GIGYF2: variants seen among roughly 807,000 people sequenced by gnomAD.
GIGYF2 encodes the protein GRB10-interacting GYF protein 2.
A neutral mutation model predicts 208.1 loss-of-function variants in GIGYF2; 25 were observed. The ratio of observed to expected loss-of-function variants is 0.12; its 90% CI spans 0.09 to 0.17. The LOEUF is 0.17. GIGYF2 is among the 10% of genes least tolerant of loss of function. The probability of loss-of-function intolerance (pLI) is 1.00; values close to 1 mark genes in which losing one functional copy is unlikely to be tolerated. For synonymous variants in GIGYF2, 534 were observed against 543.8 expected (o/e 0.98, Z 0.25); for missense variants, 1,302 against 1,579.4 (o/e 0.82, Z 2.98).
At chr2:232,706,395 G>A (rs150661204) in intron 2 of GIGYF2, among the ~76,000 whole-genome samples, 82 of 152,348 alleles carry the variant, frequency 5.4e-4, no homozygotes, top group Non-Finnish European at 9.6e-4. Flanking sequence ...CGTAATCCCA[G>A]CATGTTGGGA....
At chr2:232,853,440 T>G (rs1378716013) in intron 28 of GIGYF2, among the ~76,000 whole-genome samples, 3 of 152,182 alleles carry the variant, frequency 2.0e-5, no homozygotes, top group African/African-American at 7.2e-5. Context: ...CCACGCCAGC[T>G]ACTTTTTGTA....
At chr2:232,775,258 G>A (rs1699462098) in intron 8 of GIGYF2, among the ~76,000 whole-genome samples, 1 of 152,102 alleles carries the variant, frequency 6.6e-6, no homozygotes, top group African/African-American at 2.4e-5. Context: ...TCAGGCTCTA[G>A]CACTGTTGGT....
At chr2:232,721,792 T>C (rs12694915) in intron 2 of GIGYF2, among the ~76,000 whole-genome samples, 28,755 of 152,168 alleles carry the variant, frequency 0.19, 2,984 homozygotes, top group Non-Finnish European at 0.22. Context: ...TCATTGTTTT[T>C]TCTATTTTTG....
At position 232,806,125 on chromosome 2, in the gene GIGYF2, G is replaced by A. The variant is rs1245715484; in HGVS notation, c.1640-366G>A. On this transcript the variant is annotated intron_variant, in intron 14 of 28. Coordinates refer to ENST00000373563, the MANE Select transcript of GIGYF2 (RefSeq NM_001103146.3). This position sits in a 1 kb window ranked among gnomAD's most constrained non-coding sequence, Gnocchi z 4.0. ...TGGCAGAAAATGAAAATTGGAGAAC[G>A]TTTTCAGCCCTGCATGTTTATATTC... Among the ~76,000 whole-genome samples, 1 of 152,146 alleles carries A rather than the reference G, an allele frequency of 6.6e-6. No individual in the cohort carries two copies. Among genetic ancestry groups the A allele is most frequent in the Non-Finnish European group, 1.5e-5 (1 of 68,016 alleles).
At position 232,740,795 on chromosome 2, in the gene GIGYF2, AAGG is replaced by A. The variant is rs931220292; in HGVS notation, c.41+5560_41+5562del. Among the ~76,000 whole-genome samples the A allele has an allele frequency of 6.6e-4, 101 of 152,352 alleles. 1 individual carries two copies. Among genetic ancestry groups the A allele is most frequent in the African/African-American group, 2.2e-3 (93 of 41,582 alleles). On this transcript the variant is annotated intron_variant, in intron 3 of 28. Transcript: ENST00000373563. ...TCGATAATTATGGGATTATGTGAAA[AAGG>A]AGAGAAGTTCTGGAGGATGAGATGT...
intron 13 of GIGYF2, 148 bp from the exon 14 acceptor site, chr2:232,795,914 T>G: frequency 1.5e-6 from 1 of 671,140 alleles, no homozygotes; most frequent in East Asian, 2.7e-5. Flanking sequence ...TTTCATGGCA[T>G]TGTTGGGAGA....
At chr2:232,777,371 T>TTA (rs1699556928) in intron 8 of GIGYF2, among the ~76,000 whole-genome samples, 1 of 152,200 alleles carries the variant, frequency 6.6e-6, no homozygotes, top group South Asian at 2.1e-4. Flanking sequence ...TCCAGCTTGT[T>TTA]GGAACCCTGA....
At chr2:232,722,523 A>G (rs1034610803) in intron 2 of GIGYF2, 1 of 152,168 alleles carries the variant, frequency 6.6e-6, no homozygotes, top group African/African-American at 2.4e-5. Flanking sequence ...AACCCTAACC[A>G]TATCACTTCT....
At position 232,850,115 on chromosome 2, in the gene GIGYF2, T is replaced by G. The variant is rs1690258666; in HGVS notation, c.3685-147T>G. ...TGGTGGCTCAGTGGCCGCTCTTGAT[T>G]TTATTATTAGAACATGTGATGAAAA... On this transcript the variant is annotated intron_variant, in intron 27 of 28. Transcript: ENST00000373563. 5 of 758,524 alleles carry G rather than the reference T, an allele frequency of 6.6e-6. No homozygotes were observed. The East Asian group carries it at 1.3e-4, about 20-fold the overall frequency. The allele number at this position is 758,524 out of a possible 1,614,324, so 47.0% of individuals were successfully genotyped here.
rs538663867 is a variant in GIGYF2, at chr2:232,844,244, C to T, written c.3088C>T (p.Arg1030Cys). 2.5e-6 allele frequency: 4 copies of T among 1,575,412 alleles called. No individual in the cohort carries two copies. Among genetic ancestry groups the T allele is most frequent in the South Asian group, 1.1e-5 (1 of 87,582 alleles). Residue 1030 changes from arginine (R) to cysteine (C), a missense_variant, in exon 24 of 29, where the codon CGT becomes TGT. Arg to Cys is a radical substitution (Grantham distance 180). This residue lies in a region of GIGYF2 where 701 missense variants were observed against 793.0 expected (regional missense o/e 0.88). Coordinates refer to ENST00000373563, the MANE Select transcript of GIGYF2 (RefSeq NM_001103146.3). ...QQQHQQPNRA[R>C]NNTHSNLHTS... ...GCAACACCAGCAACCAAACAGAGCTCGTAACAATACGGTGTGTGCATTTTC... is the reference window on the plus strand; with the variant it reads ...GCAACACCAGCAACCAAACAGAGCTTGTAACAATACGGTGTGTGCATTTTC...
intron 2 of GIGYF2, among the ~76,000 whole-genome samples, chr2:232,706,558 A>C (rs1480476471): frequency 6.6e-6 from 1 of 152,152 alleles, no homozygotes; most frequent in Admixed American, 6.5e-5. Context: ...CAGGCGGATC[A>C]CTTGAAGTCA....
At chr2:232,722,365 G>A (rs964919171) in intron 2 of GIGYF2, among the ~76,000 whole-genome samples, 1 of 152,114 alleles carries the variant, frequency 6.6e-6, no homozygotes, top group Non-Finnish European at 1.5e-5. Flanking sequence ...AACCGAAGCG[G>A]GAAGAGCCCC....
chr2:232,712,173 A>G (rs1321428760), intron 2 of GIGYF2, among the ~76,000 whole-genome samples: 2 of 151,450 alleles, frequency 1.3e-5, no homozygotes, highest in Admixed American at 6.6e-5. Flanking sequence ...ATTCATTTTG[A>G]AAAAAAAAGT....
chr2:232,839,442 T>A (rs555475239), intron 22 of GIGYF2, among the ~76,000 whole-genome samples: 2 of 152,348 alleles, frequency 1.3e-5, no homozygotes, highest in East Asian at 3.9e-4. Context: ...CTTAACACTT[T>A]CACTGGACAG....
chr2:232,709,293 AT>A (rs1216593306), intron 2 of GIGYF2, among the ~76,000 whole-genome samples: 1 of 152,086 alleles, frequency 6.6e-6, no homozygotes, highest in Admixed American at 6.6e-5. Context: ...GGCTTTTATG[AT>A]TGCTATTACT....
At chr2:232,786,893 T>C (rs1699928998) in intron 8 of GIGYF2, among the ~76,000 whole-genome samples, 1 of 152,176 alleles carries the variant, frequency 6.6e-6, no homozygotes, top group African/African-American at 2.4e-5. Flanking sequence ...TGTAGGAAGA[T>C]GGACTTTTCA....
At chr2:232,836,309 TATATATATATATATATATATACATATA>T in intron 22 of GIGYF2, among the ~76,000 whole-genome samples, 1 of 20,318 alleles carries the variant, frequency 4.9e-5, no homozygotes, top group African/African-American at 1.7e-4. Flanking sequence ...TATATATATA[TATATATATATATATATATATACATATA>T]TATACTTATA....
At chr2:232,768,044 C>T (rs1485540852) in intron 8 of GIGYF2, 2 of 738,494 alleles carry the variant, frequency 2.7e-6, no homozygotes, top group Non-Finnish European at 4.5e-6. Flanking sequence ...ATTGTTAGCT[C>T]AGCCATTCTT....
intron 2 of GIGYF2, chr2:232,705,948 A>G (rs1559371300): frequency 1.3e-5 from 2 of 151,224 alleles, no homozygotes; most frequent in African/African-American, 4.9e-5. Flanking sequence ...CAGGTGATCC[A>G]CTTACCTCGG....
Sources: allele counts gnomAD v4.1 joint callset (sites outside exome capture counted in the v4.1 genomes callset), GRCh38; gene constraint gnomAD v4.1.1; regional missense constraint gnomAD v4.1.1; non-coding constraint Gnocchi (gnomAD v3.1); transcripts MANE v1.5; gene names NCBI Gene and HGNC (gene_info 2026-07-23, HGNC 2026-07-21).